KLRG1: variants seen among roughly 807,000 people sequenced by gnomAD.
The protein encoded by KLRG1 is killer cell lectin-like receptor subfamily G member 1.
Under a neutral mutation model 21.8 loss-of-function variants are expected in KLRG1, and 16 were observed. The ratio of observed to expected loss-of-function variants is 0.73; its 90% confidence interval spans 0.50 to 1.11. The LOEUF (loss-of-function observed/expected upper bound fraction) is 1.11, where lower values mean the gene tolerates loss of function less well. KLRG1 is among the 50% of genes most tolerant of loss of function. The pLI is 0.00. For missense variants in KLRG1, 173 were observed against 218.3 expected (o/e 0.79, Z 1.31); for synonymous variants, 69 against 75.9 (o/e 0.91, Z 0.47).
At chr12:9,172,425 C>A in the KLRG1 span, among the ~76,000 whole-genome samples, 1 of 152,026 alleles carries the variant, frequency 6.6e-6, no homozygotes, top group Non-Finnish European at 1.5e-5. Context: ...ATGAAGCAAT[C>A]ACATAAACAA....
At chr12:9,153,531 A>G in the KLRG1 span, among the ~76,000 whole-genome samples, 1 of 152,238 alleles carries the variant, frequency 6.6e-6, no homozygotes, top group African/African-American at 2.4e-5. Context: ...GTTTCTCCAA[A>G]TGAAATAAAA....
At chr12:9,193,667 C>T in the KLRG1 span, among the ~76,000 whole-genome samples, 10 of 152,144 alleles carry the variant, frequency 6.6e-5, no homozygotes, top group African/African-American at 2.4e-4. Context: ...AGCATGAAAA[C>T]TTTTTAGCTA....
chr12:9,159,956 C>T, the KLRG1 span: 1 of 1,613,282 alleles, frequency 6.2e-7, no homozygotes, highest in Non-Finnish European at 8.5e-7. Flanking sequence ...GCCCTGGTTC[C>T]TGCCATATCG....
At chr12:9,028,259 C>T in the KLRG1 span, 2 of 484,130 alleles carry the variant, frequency 4.1e-6, no homozygotes, top group East Asian at 7.5e-5. Context: ...TCAAGCGATT[C>T]TTCTGCTTCA....
chr12:9,157,350 A>G, the KLRG1 span: 1,037 of 1,612,304 alleles, frequency 6.4e-4, 7 homozygotes, highest in African/African-American at 0.012. Context: ...TGCGAACAAT[A>G]GGGTTCTGTA....
the KLRG1 span, among the ~76,000 whole-genome samples, chr12:9,092,227 C>A: frequency 1.3e-5 from 2 of 152,102 alleles, no homozygotes; most frequent in South Asian, 2.1e-4. Flanking sequence ...TCTGAACATA[C>A]CCCTGGGAAT....
At chr12:9,121,117 C>T in the KLRG1 span, among the ~76,000 whole-genome samples, 4 of 152,014 alleles carry the variant, frequency 2.6e-5, no homozygotes, top group Admixed American at 1.3e-4. This position sits in a 1 kb window ranked among gnomAD's most constrained non-coding sequence, Gnocchi z 4.4. Flanking sequence ...AAGTCCTGGC[C>T]TCACGGGATC....
At chr12:9,062,590 A>T in the KLRG1 span, among the ~76,000 whole-genome samples, 8 of 131,722 alleles carry the variant, frequency 6.1e-5, no homozygotes, top group East Asian at 1.6e-3. Context: ...ATTTATATAT[A>T]TACATAATAA....
the KLRG1 span, among the ~76,000 whole-genome samples, chr12:9,204,851 T>G: frequency 1.3e-5 from 2 of 152,038 alleles, no homozygotes; most frequent in African/African-American, 2.4e-5. Flanking sequence ...TCCCGGCACT[T>G]TGGGAGGCTG....
the KLRG1 span, chr12:9,164,145 G>T: frequency 1.2e-6 from 2 of 1,611,436 alleles, no homozygotes; most frequent in African/African-American, 1.3e-5. Context: ...AGAGTTTTAG[G>T]AGTCACTGTC....
At chr12:9,209,989 C>CAAA in the KLRG1 span, among the ~76,000 whole-genome samples, 2 of 152,074 alleles carry the variant, frequency 1.3e-5, no homozygotes, top group Non-Finnish European at 1.5e-5. Context: ...TTGGATTCTT[C>CAAA]ATAGTTTTCA....
the KLRG1 span, among the ~76,000 whole-genome samples, chr12:9,145,919 G>T: frequency 6.6e-6 from 1 of 152,070 alleles, no homozygotes; most frequent in East Asian, 1.9e-4. Flanking sequence ...ATCTTATCAG[G>T]CATCTTGTCT....
At chr12:8,984,295 T>C (rs1350143788) in intron 1 of KLRG1, among the ~76,000 whole-genome samples, 3 of 152,258 alleles carry the variant, frequency 2.0e-5, no homozygotes, top group African/African-American at 7.2e-5. Context: ...CTCTGCCTCC[T>C]GGGTTCAAGT....
At chr12:9,089,907 C>A in the KLRG1 span, 4 of 1,608,736 alleles carry the variant, frequency 2.5e-6, no homozygotes, top group East Asian at 4.5e-5. Flanking sequence ...CTTACTTCAA[C>A]CAACAGAGGC....
chr12:9,002,544 C>A (rs766297051), intron 3 of KLRG1, among the ~76,000 whole-genome samples: 2 of 151,738 alleles, frequency 1.3e-5, no homozygotes, highest in Non-Finnish European at 2.9e-5. Context: ...GACAAGAGTT[C>A]TCAGTTACCA....
At chr12:9,145,495 C>A in the KLRG1 span, among the ~76,000 whole-genome samples, 15 of 152,092 alleles carry the variant, frequency 9.9e-5, no homozygotes, top group East Asian at 3.8e-4. Flanking sequence ...AAATTGATAT[C>A]TATTTTATGT....
At chr12:8,973,265 C>T (rs920074738) in intron 1 of KLRG1, among the ~76,000 whole-genome samples, 1 of 151,150 alleles carries the variant, frequency 6.6e-6, no homozygotes, top group African/African-American at 2.4e-5. Context: ...TTGTATGTGT[C>T]CCCTCAAATT....
chr12:9,127,598 T>G, the KLRG1 span, among the ~76,000 whole-genome samples: 1 of 151,868 alleles, frequency 6.6e-6, no homozygotes, highest in Non-Finnish European at 1.5e-5. Flanking sequence ...CACTTTGGAG[T>G]CGGGGGCGCC....
At chr12:9,157,768 G>A in the KLRG1 span, 2 of 1,613,430 alleles carry the variant, frequency 1.2e-6, no homozygotes, top group Non-Finnish European at 1.7e-6. Flanking sequence ...GGTACCTACA[G>A]TGACTGGGAG....
Sources: gnomAD v4.1 joint callset for allele counts (sites outside exome capture counted in the v4.1 genomes callset) on GRCh38, gnomAD v4.1.1 for gene constraint, Gnocchi (gnomAD v3.1) non-coding constraint, MANE v1.5 for transcripts, NCBI Gene and HGNC (gene_info 2026-07-23, HGNC 2026-07-21) for gene names.